The following CDH13 variants were observed in gnomAD, a reference collection of about 807,000 sequenced individuals.
The protein encoded by CDH13 is cadherin 13.
Under a neutral mutation model 63.8 loss-of-function variants are expected in CDH13, and 24 were observed. The observed-to-expected ratio is 0.38, with a 90% confidence interval of 0.27 to 0.53. The LOEUF is 0.53. Among genes scored for constraint, CDH13 ranks in the 20% least tolerant of loss-of-function variants. The pLI is 0.85. For synonymous variants in CDH13, 503 were observed against 355.3 expected (o/e 1.42, Z -4.67); for missense variants, 1,049 against 903.1 (o/e 1.16, Z -2.07).
At chr16:83,610,020 G>A (rs138373509) in intron 8 of CDH13, among the ~76,000 whole-genome samples, 13 of 152,124 alleles carry the variant, frequency 8.5e-5, no homozygotes, top group Non-Finnish European at 1.6e-4. Flanking sequence ...ATGTCTTCAT[G>A]GTCTGCCCAT....
chr16:82,963,499 A>C (rs1342359222), intron 2 of CDH13, among the ~76,000 whole-genome samples: 1 of 150,740 alleles, frequency 6.6e-6, no homozygotes, highest in Non-Finnish European at 1.5e-5. Context: ...ATCCTCACAC[A>C]CTCCCCTCTA....
chr16:83,485,923 A>G (rs1260261133), intron 6 of CDH13, among the ~76,000 whole-genome samples: 1 of 152,158 alleles, frequency 6.6e-6, no homozygotes, highest in Non-Finnish European at 1.5e-5. Flanking sequence ...CAGGTGGATC[A>G]GCTGAGGTCA....
At chr16:82,977,900 C>G (rs756680958) in intron 2 of CDH13, among the ~76,000 whole-genome samples, 1 of 152,176 alleles carries the variant, frequency 6.6e-6, no homozygotes, top group Admixed American at 6.5e-5. Flanking sequence ...GAGTTTAGAA[C>G]TTCCTAGAGA....
At chr16:82,706,201 A>G (rs1011538825) in intron 1 of CDH13, among the ~76,000 whole-genome samples, 4 of 152,038 alleles carry the variant, frequency 2.6e-5, no homozygotes, top group African/African-American at 9.7e-5. Flanking sequence ...ACATTTATTC[A>G]AACCCTATTA....
At chr16:83,218,231 A>C (rs1380228973) in intron 5 of CDH13, among the ~76,000 whole-genome samples, 1 of 152,210 alleles carries the variant, frequency 6.6e-6, no homozygotes, top group Admixed American at 6.5e-5. Context: ...CGTTGGAGGC[A>C]TAAAGTGCTG....
At chr16:83,718,892 C>A (rs1045737996) in intron 10 of CDH13, among the ~76,000 whole-genome samples, 14 of 152,196 alleles carry the variant, frequency 9.2e-5, no homozygotes, top group Non-Finnish European at 1.5e-4. Context: ...GTACCCCAGT[C>A]ATTGGGTGAG....
intron 3 of CDH13, among the ~76,000 whole-genome samples, chr16:83,040,167 C>T (rs1007823133): frequency 6.6e-6 from 1 of 151,956 alleles, no homozygotes; most frequent in South Asian, 2.1e-4. Flanking sequence ...CTCCAGGTTC[C>T]TCAGCTGGAA....
intron 2 of CDH13, among the ~76,000 whole-genome samples, chr16:82,897,371 A>G (rs571217167): frequency 1.3e-5 from 2 of 152,332 alleles, no homozygotes; most frequent in African/African-American, 4.8e-5. Context: ...TATTAGTTCA[A>G]TGAATGAATA....
chr16:83,080,869 G>GTGTTT (rs2033182458), intron 3 of CDH13, among the ~76,000 whole-genome samples: 1 of 37,796 alleles, frequency 2.6e-5, no homozygotes, highest in Non-Finnish European at 4.9e-5. Flanking sequence ...TTTTGTTTTT[G>GTGTTT]TGTTTTTTTT....
At chr16:83,436,605 A>G (rs901812125) in intron 6 of CDH13, among the ~76,000 whole-genome samples, 2 of 152,190 alleles carry the variant, frequency 1.3e-5, no homozygotes, top group Non-Finnish European at 2.9e-5. Flanking sequence ...CCTTCCCTGA[A>G]CTCATAAAGT....
At chr16:82,772,226 G>T (rs1364946105) in intron 1 of CDH13, among the ~76,000 whole-genome samples, 1 of 151,954 alleles carries the variant, frequency 6.6e-6, no homozygotes, top group Non-Finnish European at 1.5e-5. Flanking sequence ...TACAAATTAG[G>T]GCTCCCTTCC....
At chr16:83,577,417 G>A (rs1905161401) in intron 7 of CDH13, among the ~76,000 whole-genome samples, 2 of 152,194 alleles carry the variant, frequency 1.3e-5, no homozygotes, top group South Asian at 2.1e-4. Context: ...GCAGCTGTTG[G>A]GTCCAGCTCT....
rs995582134 is a variant in CDH13, at chr16:82,894,698, AAAAAAT to A, written c.157+36230_157+36235del. Among the ~76,000 whole-genome samples the A allele has an allele frequency of 7.9e-4, 7 of 8,858 alleles. No homozygotes were observed. The East Asian group carries it at 0.064, about 81-fold the overall frequency. 5.8% of individuals were successfully genotyped at this position (8,858 alleles called of 152,430 possible). Reference sequence around the variant, plus strand: ...ATTCAGGTAGTGAAAACATCCCAGAAAAAAATAAAATAAAATAGAGACGATGGGAAG... The same window carrying A: ...ATTCAGGTAGTGAAAACATCCCAGAAAAAATAAAATAGAGACGATGGGAAG... On this transcript the variant is annotated intron_variant, in intron 2 of 13. Transcript: ENST00000567109.
intron 1 of CDH13, among the ~76,000 whole-genome samples, chr16:82,792,479 G>C (rs1273120077): frequency 6.6e-6 from 1 of 152,132 alleles, no homozygotes; most frequent in Non-Finnish European, 1.5e-5. Context: ...ACACAATTCA[G>C]TACAATTCTG....
intron 2 of CDH13, among the ~76,000 whole-genome samples, chr16:82,978,261 T>G (rs1471931693): frequency 1.3e-5 from 2 of 152,154 alleles, no homozygotes; most frequent in Non-Finnish European, 2.9e-5. Flanking sequence ...GTTCAGAAAA[T>G]TTGTAGCCTG....
intron 6 of CDH13, among the ~76,000 whole-genome samples, chr16:83,484,050 T>C (rs984749471): frequency 1.3e-5 from 2 of 152,198 alleles, no homozygotes; most frequent in Non-Finnish European, 2.9e-5. Context: ...CCTTGAAGCA[T>C]GTGGCCGGAT....
intron 2 of CDH13, chr16:82,926,148 G>A (rs974183224): frequency 6.6e-6 from 1 of 152,180 alleles, no homozygotes; most frequent in African/African-American, 2.4e-5. Flanking sequence ...TAAAGGTCCA[G>A]GTAGTAAACA....
intron 2 of CDH13, among the ~76,000 whole-genome samples, chr16:82,993,764 C>G (rs1006609231): frequency 6.6e-6 from 1 of 152,074 alleles, no homozygotes; most frequent in African/African-American, 2.4e-5. Context: ...GAAACAAACA[C>G]CAGCAGACAT....
intron 7 of CDH13, among the ~76,000 whole-genome samples, chr16:83,592,763 C>T (rs1192572013): frequency 6.6e-6 from 1 of 152,058 alleles, no homozygotes; most frequent in African/African-American, 2.4e-5. Context: ...AGCCCCCAGC[C>T]ACGAATGCAA....
Sources: gnomAD v4.1 joint callset for allele counts (sites outside exome capture counted in the v4.1 genomes callset) on GRCh38, gnomAD v4.1.1 for gene constraint, MANE v1.5 for transcripts, NCBI Gene and HGNC (gene_info 2026-07-23, HGNC 2026-07-21) for gene names.